Variants in MIA3 observed in about 807,000 individuals in gnomAD.
MIA3 encodes MIA SH3 domain ER export factor 3.
A neutral mutation model predicts 192.4 loss-of-function variants in MIA3; 90 were observed. The ratio of observed to expected loss-of-function variants is 0.47; its 90% CI spans 0.39 to 0.56. The LOEUF (loss-of-function observed/expected upper bound fraction) is 0.56, where lower values mean the gene tolerates loss of function less well. Ranked by LOEUF, MIA3 falls within the 20% of genes least tolerant of loss-of-function variation. MIA3 has a pLI of 0.00. For missense variants in MIA3, 2,123 were observed against 2,269.4 expected (o/e 0.94, Z 1.31); for synonymous variants, 740 against 792.8 (o/e 0.93, Z 1.12).
At chr1:222,633,071 G>A (rs771366375) in intron 5 of MIA3, 33 bp from the exon 6 acceptor site, 1 of 1,564,012 alleles carries the variant, frequency 6.4e-7, no homozygotes. Context: ...TTATTCTAAA[G>A]CACAAAATGT....
chr1:222,628,116 T>C lies in MIA3; in HGVS notation c.896T>C (p.Leu299Ser). The C allele has an allele frequency of 6.2e-7, 1 of 1,613,968 alleles. No individual in the cohort carries two copies. Residue 299 changes from leucine to serine, a missense_variant, in exon 4 of 28, where the codon TTA (leucine) becomes TCA (serine). Leu to Ser is a moderately radical substitution (Grantham distance 145). This residue lies in a region of MIA3 where 1,357 missense variants were observed against 1,396.1 expected (regional missense o/e 0.97). Coordinates refer to ENST00000344922, the MANE Select transcript of MIA3 (RefSeq NM_198551.4). ...GAGACAACCAGACTCGTTACTTCAT[T>C]AGAAGATGATTTTGATGAGGAATTG... ...DDETTRLVTS[L>S]EDDFDEELDT...
At chr1:222,650,470 T>A in intron 9 of MIA3, 90 bp downstream of exon 9, 2 of 833,318 alleles carry the variant, frequency 2.4e-6, no homozygotes, top group Non-Finnish European at 3.8e-6. Flanking sequence ...ATGGTATTTT[T>A]AAATAGTATT....
At chr1:222,644,323 T>G (rs1238549264) in intron 6 of MIA3, 1 of 1,451,816 alleles carries the variant, frequency 6.9e-7, no homozygotes, top group Non-Finnish European at 9.1e-7. Context: ...ATAGGCGGCA[T>G]AAAGCGAAAG....
At chr1:222,643,434 C>T (rs1265020970) in intron 6 of MIA3, among the ~76,000 whole-genome samples, 1 of 152,134 alleles carries the variant, frequency 6.6e-6, no homozygotes, top group African/African-American at 2.4e-5. Context: ...TCTTGTACCA[C>T]ACCCTTCACT....
chr1:222,628,551 T>A lies in MIA3; in HGVS notation c.1331T>A (p.Leu444His). ...YSDPDNVDDG[L>H]FIVDIPKTNN... ...GACCCTGACAATGTAGATGATGGTC[T>A]TTTTATTGTAGACATTCCTAAAACA... is the stretch of plus-strand genomic sequence containing the variant. Residue 444 changes from leucine (L) to histidine (H), a missense_variant, in exon 4 of 28, where the codon CTT becomes CAT. Physicochemically the swap from Leu to His is moderately conservative, Grantham distance 99. This residue lies in a region of MIA3 where 1,357 missense variants were observed against 1,396.1 expected (regional missense o/e 0.97). Coordinates refer to ENST00000344922, the MANE Select transcript of MIA3 (RefSeq NM_198551.4). 2 of 1,614,188 alleles carry A rather than the reference T, an allele frequency of 1.2e-6. No homozygotes were observed. Among genetic ancestry groups the A allele is most frequent in the South Asian group, 1.1e-5 (1 of 91,076 alleles).
intron 6 of MIA3, among the ~76,000 whole-genome samples, chr1:222,643,749 AGG>A (rs1304546946): frequency 7.2e-5 from 11 of 152,150 alleles, no homozygotes; most frequent in Middle Eastern, 6.8e-3. Context: ...TGGGCAACAT[AGG>A]GAGACTCCCT....
intron 6 of MIA3, among the ~76,000 whole-genome samples, chr1:222,635,784 C>T (rs1429541921): frequency 6.6e-6 from 1 of 152,096 alleles, no homozygotes; most frequent in Non-Finnish European, 1.5e-5. Context: ...AGCTACTAGT[C>T]CAACTTCTCA....
intron 19 of MIA3, chr1:222,659,080 A>G (rs1663877882): frequency 2.3e-6 from 1 of 431,148 alleles, no homozygotes. Flanking sequence ...TGATGTATCA[A>G]AAGCCATTAA....
At chr1:222,627,048 A>G (rs1662151096) in intron 3 of MIA3, among the ~76,000 whole-genome samples, 1 of 152,248 alleles carries the variant, frequency 6.6e-6, no homozygotes, top group Non-Finnish European at 1.5e-5. Flanking sequence ...ACCTGTGCTC[A>G]AAACAAAATT....
intron 24 of MIA3, chr1:222,660,647 C>G (rs1663962394): frequency 1.1e-5 from 2 of 181,648 alleles, no homozygotes; most frequent in Admixed American, 6.1e-5. Flanking sequence ...AGGTCCACTT[C>G]TATGCAGATT....
chr1:222,653,228 G>T lies in MIA3; in HGVS notation c.4210G>T (p.Ala1404Ser), dbSNP rs369315262. 1.2e-6 allele frequency: 2 copies of T among 1,608,548 alleles called. No homozygotes were observed. The highest frequency in any genetic ancestry group is 2.7e-5 in the African/African-American group (2 of 74,808). ...ALTHKDDNIN[A>S]LTNCITQLNL... ...TAATGCCCTTTTACTTCTTTTCTAG[G>T]CTTTGACTAACTGCATTACACAGTT... The change falls in exon 15 of 28, where the codon GCT (alanine) becomes TCT (serine). Residue 1404 changes from alanine (A) to serine (S), a missense_variant and splice_region_variant. Coordinates refer to ENST00000344922, the MANE Select transcript of MIA3 (RefSeq NM_198551.4).
At chr1:222,625,479 T>C (rs998188236) in intron 3 of MIA3, among the ~76,000 whole-genome samples, 1 of 152,230 alleles carries the variant, frequency 6.6e-6, no homozygotes, top group Non-Finnish European at 1.5e-5. Flanking sequence ...TTTAAGGATA[T>C]AGAAATCAGG....
rs1014417620 is a variant in MIA3, at chr1:222,644,334, T to G, written c.3478-1220T>G. The G allele has an allele frequency of 3.4e-6, 5 of 1,469,514 alleles. No homozygotes were observed. The African/African-American group carries it at 7.1e-5, about 21-fold the overall frequency. 91.0% of individuals were successfully genotyped at this position (1,469,514 alleles called of 1,614,324 possible). On this transcript the variant is annotated intron_variant, in intron 6 of 27. Transcript: ENST00000344922. The stretch of plus-strand genomic sequence containing the variant: ...TTTTATAGGCGGCATAAAGCGAAAG[T>G]GCAGGCAGCTGTGGAAGGCGAAGTT...
Position 222,652,210 on chromosome 1 carries a change from A to G in MIA3, c.3982-18A>G, listed in dbSNP as rs1171649925. On this transcript the variant is annotated intron_variant, in intron 12 of 27. Transcript: ENST00000344922. The stretch of plus-strand genomic sequence containing the variant: ...TTTTCTTTGGAATTAATTCACTAAT[A>G]GGAGTGTTTTGCATTAGGTTCAGAT... 3 of 1,570,052 alleles carry G rather than the reference A, an allele frequency of 1.9e-6. No homozygotes were observed. Among genetic ancestry groups the G allele is most frequent in the Admixed American group, 3.4e-5 (2 of 59,116 alleles).
rs938741979 is a variant in MIA3 at position 222,650,848 on chromosome 1, A to G, written c.3854A>G (p.Asn1285Ser). 1.2e-6 allele frequency: 2 copies of G among 1,610,780 alleles called. No homozygotes were observed. The highest frequency in any genetic ancestry group is 1.3e-5 in the African/African-American group (1 of 74,742). The stretch of plus-strand genomic sequence containing the variant: ...GAAATTCTGGATGACACAGCTAAAA[A>G]TCTTCGTGTTATGCTAGAATCTGAG... ...NQEILDDTAK[N>S]LRVMLESERE... Residue 1285 changes from asparagine to serine, a missense_variant, in exon 11 of 28, where the codon AAT becomes AGT. Physicochemically the swap from Asn to Ser is conservative, Grantham distance 46. Around this residue, in one of 3 missense-constraint regions of MIA3, gnomAD observed 762 missense variants for 856.4 expected, o/e 0.89. Coordinates refer to ENST00000344922, the MANE Select transcript of MIA3 (RefSeq NM_198551.4).
intron 6 of MIA3, chr1:222,644,360 C>G: frequency 6.7e-7 from 1 of 1,499,282 alleles, no homozygotes; most frequent in African/African-American, 1.4e-5. Flanking sequence ...AGGCGAAGTT[C>G]AATCCCAGAG....
chr1:222,627,791 A>G lies in MIA3; in HGVS notation c.571A>G (p.Ser191Gly). 6.2e-7 allele frequency: 1 copy of G among 1,613,838 alleles called. No individual in the cohort carries two copies. The highest frequency in any genetic ancestry group is 8.5e-7 in the Non-Finnish European group (1 of 1,179,942). ...AGAAGCCAACTCAGAGGAAAGTGATAGTGTATTCTCAGAAAACACTGAGGA... is the reference window on the plus strand; with the variant it reads ...AGAAGCCAACTCAGAGGAAAGTGATGGTGTATTCTCAGAAAACACTGAGGA... ...PVEANSEESDSVFSENTEDLQ... is the reference protein window; with the variant it reads ...PVEANSEESDGVFSENTEDLQ... The change falls in exon 4 of 28, where the codon AGT becomes GGT. Residue 191 changes from serine to glycine, a missense_variant. Physicochemically the swap from Ser to Gly is moderately conservative, Grantham distance 56 (BLOSUM62 0). This residue lies in a region of MIA3 where 1,357 missense variants were observed against 1,396.1 expected (regional missense o/e 0.97). Transcript: ENST00000344922.
In MIA3 at chr1:222,645,545, A is replaced by C. The variant is rs756886978; in HGVS notation, c.3478-9A>C. 1 of 1,594,488 alleles carries C rather than the reference A, an allele frequency of 6.3e-7. No homozygotes were observed. Among genetic ancestry groups the C allele is most frequent in the Non-Finnish European group, 8.6e-7 (1 of 1,169,368 alleles). On this transcript the variant is annotated splice_polypyrimidine_tract_variant and intron_variant, in intron 6 of 27. Transcript: ENST00000344922. ...TCTCATTATTTCTAACATTATTTCTAACATTCAGCTAGTTGCTACATTGCC... is the reference window on the plus strand; with the variant it reads ...TCTCATTATTTCTAACATTATTTCTCACATTCAGCTAGTTGCTACATTGCC...
intron 6 of MIA3, among the ~76,000 whole-genome samples, chr1:222,638,089 T>C (rs1571878662): frequency 6.6e-6 from 1 of 152,306 alleles, no homozygotes; most frequent in East Asian, 1.9e-4. Flanking sequence ...GTTATGAACA[T>C]CATCATTAAC....
Sources: gnomAD v4.1 joint callset for allele counts (sites outside exome capture counted in the v4.1 genomes callset) on GRCh38, gnomAD v4.1.1 for gene constraint, gnomAD v4.1.1 regional missense constraint, MANE v1.5 for transcripts, NCBI Gene and HGNC (gene_info 2026-07-23, HGNC 2026-07-21) for gene names.